The following KIF13B variants were observed in gnomAD, a reference collection of about 807,000 sequenced individuals.
KIF13B encodes the protein kinesin-like protein KIF13B.
Under a neutral mutation model 222.0 loss-of-function variants are expected in KIF13B, and 127 were observed. The ratio of observed to expected loss-of-function variants is 0.57; its 90% CI spans 0.50 to 0.66. The LOEUF (loss-of-function observed/expected upper bound fraction) is 0.66. KIF13B is among the 30% of genes least tolerant of loss of function. The pLI is 0.00. For missense variants in KIF13B, 2,173 were observed against 2,379.0 expected, an observed-to-expected ratio of 0.91 and a Z score of 1.80; for synonymous variants, 976 against 919.0, an observed-to-expected ratio of 1.06 and a Z score of -1.12.
intron 36 of KIF13B, among the ~76,000 whole-genome samples, chr8:29,097,847 C>T (rs938732122): frequency 2.0e-5 from 3 of 151,970 alleles, no homozygotes; most frequent in Non-Finnish European, 4.4e-5. Context: ...AAAGAAGGAA[C>T]ATCACAAGAG....
intron 37 of KIF13B, among the ~76,000 whole-genome samples, chr8:29,091,687 T>TG (rs1808305728): frequency 6.6e-6 from 1 of 152,130 alleles, no homozygotes; most frequent in Admixed American, 6.5e-5. Context: ...GGTGGATCTC[T>TG]GGGGAAAAAA....
intron 37 of KIF13B, among the ~76,000 whole-genome samples, chr8:29,082,237 C>G (rs1412356954): frequency 6.6e-6 from 1 of 152,002 alleles, no homozygotes. Context: ...TTTTTCCTAT[C>G]AACAAGTAAA....
At chr8:29,178,600 C>A (rs1812580511) in intron 8 of KIF13B, among the ~76,000 whole-genome samples, 1 of 143,186 alleles carries the variant, frequency 7.0e-6, no homozygotes, top group African/African-American at 2.6e-5. Context: ...CATAAATAAA[C>A]ATGCTGTTAA....
At chr8:29,219,308 A>G (rs546034459) in intron 2 of KIF13B, 2 of 152,352 alleles carry the variant, frequency 1.3e-5, no homozygotes, top group African/African-American at 4.8e-5. Context: ...GAGGGCTGCT[A>G]AGCTGAAAGA....
Position 29,164,366 on chromosome 8 carries a change from T to C in KIF13B, c.1269+1296A>G, listed in dbSNP as rs117299364. On this transcript the variant is annotated intron_variant, in intron 12 of 39. Coordinates refer to ENST00000524189, the MANE Select transcript of KIF13B (RefSeq NM_015254.4). ...TTAAAAACAACAGGGAATTTTAACT[T>C]AGAAAAGGAAGAGGAAGAGGCAGAG... Among the ~76,000 whole-genome samples the C allele has an allele frequency of 6.7e-3, 1,016 of 152,230 alleles. 10 individuals are homozygous for C. Among genetic ancestry groups the C allele is most frequent in the Non-Finnish European group, 0.01 (682 of 68,010 alleles).
intron 37 of KIF13B, among the ~76,000 whole-genome samples, chr8:29,086,203 AAG>A (rs1238681733): frequency 1.2e-4 from 18 of 152,330 alleles, no homozygotes; most frequent in Non-Finnish European, 2.2e-4. Context: ...AATAATATCA[AAG>A]AGAGCCCAGG....
rs552486988 is a variant in KIF13B, at chr8:29,173,580, C to T, written c.945+2488G>A. On this transcript the variant is annotated intron_variant, in intron 10 of 39. Coordinates refer to ENST00000524189, the MANE Select transcript of KIF13B (RefSeq NM_015254.4). ...CAGACTGTAGTGAGTTATGACTGCA[C>T]GACTGCACTCTAGCCTGGACAACAG... Among the ~76,000 whole-genome samples the T allele has an allele frequency of 1.7e-4, 25 of 151,276 alleles. No homozygotes were observed. The South Asian group carries it at 5.2e-3, about 32-fold the overall frequency.
chr8:29,122,081 C>T (rs1319803305), intron 29 of KIF13B, among the ~76,000 whole-genome samples: 5 of 151,884 alleles, frequency 3.3e-5, no homozygotes, highest in African/African-American at 7.2e-5. Context: ...GGTGAAACCC[C>T]GTCTCTACTA....
At chr8:29,232,555 C>T (rs1159731045) in intron 2 of KIF13B, among the ~76,000 whole-genome samples, 3 of 151,730 alleles carry the variant, frequency 2.0e-5, no homozygotes, top group Non-Finnish European at 4.4e-5. Flanking sequence ...TCTTGCCATC[C>T]TTTTCTCCCT....
chr8:29,160,715 C>A lies in KIF13B; in HGVS notation c.1404+18G>T. On this transcript the variant is annotated intron_variant, in intron 13 of 39. Coordinates refer to ENST00000524189, the MANE Select transcript of KIF13B (RefSeq NM_015254.4). ...CTATTTTGTAACAAGAATCTAGTAG[C>A]AAAGCACATTACTTCACCTTTAAAT... 1.9e-6 allele frequency: 3 copies of A among 1,604,046 alleles called. No homozygotes were observed. Among genetic ancestry groups the A allele is most frequent in the Non-Finnish European group, 2.6e-6 (3 of 1,174,982 alleles).
At chr8:29,129,525 T>C (rs1316235757) in intron 24 of KIF13B, among the ~76,000 whole-genome samples, 7 of 152,256 alleles carry the variant, frequency 4.6e-5, no homozygotes, top group African/African-American at 1.7e-4. Flanking sequence ...TAATTTTCTC[T>C]ATTTTGCTTT....
intron 2 of KIF13B, among the ~76,000 whole-genome samples, chr8:29,203,892 CAA>C (rs11432771): frequency 3.0e-5 from 2 of 66,190 alleles, no homozygotes; most frequent in African/African-American, 1.3e-4. Flanking sequence ...AGTTCCGTCT[CAA>C]AAAAAAAAAA....
chr8:29,092,247 T>A (rs922702062), intron 37 of KIF13B, among the ~76,000 whole-genome samples: 2 of 152,234 alleles, frequency 1.3e-5, no homozygotes, highest in East Asian at 3.8e-4. Context: ...CTCTAACACT[T>A]ACCCTAGAGC....
chr8:29,146,260 A>G (rs987124314), intron 18 of KIF13B, 118 bp downstream of exon 18: 67 of 1,003,240 alleles, frequency 6.7e-5, no homozygotes, highest in Non-Finnish European at 1.0e-4. Context: ...CATGGAGGAC[A>G]AAGGATCTGG....
chr8:29,177,413 C>T (rs1812526958), intron 9 of KIF13B, 53 bp downstream of exon 9: 1 of 1,147,254 alleles, frequency 8.7e-7, no homozygotes, highest in Non-Finnish European at 1.3e-6. Context: ...AGATGTTCCC[C>T]TATTGGCTAT....
chr8:29,087,390 T>TA (rs1808091437), intron 37 of KIF13B, among the ~76,000 whole-genome samples: 1 of 152,218 alleles, frequency 6.6e-6, no homozygotes, highest in African/African-American at 2.4e-5. Flanking sequence ...ATGCATTATT[T>TA]AAAAAATTAC....
intron 2 of KIF13B, among the ~76,000 whole-genome samples, chr8:29,221,101 T>TTC (rs1421846895): frequency 3.6e-5 from 1 of 27,558 alleles, no homozygotes; most frequent in East Asian, 4.6e-4. Context: ...TGTGTTCTTT[T>TTC]TTTTTTTTTT....
chr8:29,147,023 C>A (rs986162973), intron 17 of KIF13B, among the ~76,000 whole-genome samples: 1 of 152,208 alleles, frequency 6.6e-6, no homozygotes, highest in African/African-American at 2.4e-5. Flanking sequence ...ATCTCATCAG[C>A]ACCATGCTTT....
intron 2 of KIF13B, among the ~76,000 whole-genome samples, chr8:29,239,987 G>A (rs1439878517): frequency 6.8e-6 from 1 of 146,816 alleles, no homozygotes; most frequent in Non-Finnish European, 1.5e-5. Context: ...TAACAAACCT[G>A]TATGTGTACC....
Sources: gnomAD v4.1 joint callset for allele counts (sites outside exome capture counted in the v4.1 genomes callset) on GRCh38, gnomAD v4.1.1 for gene constraint, MANE v1.5 for transcripts, NCBI Gene and HGNC (gene_info 2026-07-23, HGNC 2026-07-21) for gene names.